Variants in GALNT7 observed in about 807,000 individuals in gnomAD.
The protein encoded by GALNT7 is N-acetylgalactosaminyltransferase 7.
A neutral mutation model predicts 82.1 loss-of-function variants in GALNT7; 60 were observed. The observed-to-expected ratio is 0.73, with a 90% confidence interval of 0.59 to 0.91. GALNT7 has a LOEUF of 0.91. Ranked by LOEUF, GALNT7 falls within the 40% of genes least tolerant of loss-of-function variation. The pLI is 0.00. For synonymous variants in GALNT7, 243 were observed against 275.1 expected, an observed-to-expected ratio of 0.88 and a Z score of 1.15; for missense variants, 660 against 804.2, an observed-to-expected ratio of 0.82 and a Z score of 2.17.
intron 1 of GALNT7, among the ~76,000 whole-genome samples, chr4:173,183,840 G>GA (rs1387696289): frequency 6.6e-6 from 1 of 150,686 alleles, no homozygotes; most frequent in African/African-American, 2.5e-5. Flanking sequence ...CCACCTCCCA[G>GA]ACGGGGCGGC....
intron 1 of GALNT7, among the ~76,000 whole-genome samples, chr4:173,172,695 G>A (rs1731915961): frequency 6.6e-6 from 1 of 152,182 alleles, no homozygotes. Context: ...AGTTAATCTG[G>A]AAGTGGGTGG....
At chr4:173,236,728 C>T (rs932445997) in intron 1 of GALNT7, among the ~76,000 whole-genome samples, 8 of 152,212 alleles carry the variant, frequency 5.3e-5, no homozygotes, top group East Asian at 3.9e-4. Context: ...ATTTTCAAAA[C>T]GCAGATCAGG....
chr4:173,216,706 C>CATATATATATATATATATATATATAT (rs202210734), intron 1 of GALNT7, among the ~76,000 whole-genome samples: 2 of 56,968 alleles, frequency 3.5e-5, no homozygotes, highest in African/African-American at 1.9e-4. Context: ...GTGTACTATT[C>CATATATATATATATATATATATATAT]ATATATATAT....
intron 2 of GALNT7, among the ~76,000 whole-genome samples, chr4:173,250,617 C>G (rs1734812948): frequency 6.6e-6 from 1 of 152,154 alleles, no homozygotes; most frequent in African/African-American, 2.4e-5. Context: ...CTTTCCATTT[C>G]TACTCTTGCC....
chr4:173,264,642 C>A (rs1252743096), intron 2 of GALNT7, among the ~76,000 whole-genome samples: 6 of 152,196 alleles, frequency 3.9e-5, no homozygotes, highest in Non-Finnish European at 1.5e-5. Context: ...AATCCGTGGG[C>A]TCCTCCAACA....
chr4:173,174,584 A>G (rs776554636), intron 1 of GALNT7, among the ~76,000 whole-genome samples: 12 of 152,222 alleles, frequency 7.9e-5, no homozygotes, highest in Non-Finnish European at 1.6e-4. Flanking sequence ...GAGGTCAGGC[A>G]TCAGCCCTGT....
At chr4:173,251,551 A>C (rs185886574) in intron 2 of GALNT7, among the ~76,000 whole-genome samples, 26 of 152,192 alleles carry the variant, frequency 1.7e-4, no homozygotes, top group Admixed American at 1.7e-3. Context: ...AGTACCTTCC[A>C]TGATGCTAAA....
intron 1 of GALNT7, among the ~76,000 whole-genome samples, chr4:173,173,156 T>C (rs1165289590): frequency 2.0e-5 from 3 of 152,110 alleles, no homozygotes; most frequent in Non-Finnish European, 4.4e-5. Flanking sequence ...TCAGGAGGCC[T>C]AGGATGATAG....
intron 1 of GALNT7, among the ~76,000 whole-genome samples, chr4:173,192,593 T>C (rs1007018029): frequency 1.3e-5 from 2 of 152,154 alleles, no homozygotes; most frequent in Admixed American, 1.3e-4. Context: ...ATATGTACAC[T>C]CGAGTTCTTG....
At position 173,261,687 on chromosome 4, in the gene GALNT7, C is replaced by G. The variant is rs879790911; in HGVS notation, c.587+13247C>G. Among the ~76,000 whole-genome samples, 3 of 152,186 alleles carry G rather than the reference C, an allele frequency of 2.0e-5. No individual in the cohort carries two copies. The East Asian group carries it at 5.8e-4, about 29-fold the overall frequency. On this transcript the variant is annotated intron_variant, in intron 2 of 11. Transcript: ENST00000265000. ...AAAAAAAATTAGCCAGGTGTGGTGG[C>G]ACGCACCTGTAATCCCAGCTTCTCA... is the stretch of plus-strand genomic sequence containing the variant.
At chr4:173,238,526 C>G (rs1417562322) in intron 1 of GALNT7, among the ~76,000 whole-genome samples, 4 of 152,106 alleles carry the variant, frequency 2.6e-5, no homozygotes, top group Non-Finnish European at 5.9e-5. Context: ...ATAGGCCTGT[C>G]TTGTCATACG....
Position 173,188,277 on chromosome 4 carries a change from T to C in GALNT7, c.126+19316T>C, listed in dbSNP as rs371457444. ...TGGTCTTCTAGGTAACAACTAGAGT[T>C]CAAACCTAGGCTGACTGCAGAGCCT... On this transcript the variant is annotated intron_variant, in intron 1 of 11. Coordinates refer to ENST00000265000, the MANE Select transcript of GALNT7 (RefSeq NM_017423.3). Among the ~76,000 whole-genome samples, 7 of 152,210 alleles carry C rather than the reference T, an allele frequency of 4.6e-5. No homozygotes were observed. The East Asian group carries it at 1.2e-3, about 25-fold the overall frequency.
chr4:173,261,661 A>T (rs1364292299), intron 2 of GALNT7, among the ~76,000 whole-genome samples: 4 of 151,258 alleles, frequency 2.6e-5, no homozygotes, highest in Non-Finnish European at 4.4e-5. Flanking sequence ...TACTAAAAAT[A>T]AAAAAAAATT....
chr4:173,189,665 T>G (rs1164109560), intron 1 of GALNT7, among the ~76,000 whole-genome samples: 1 of 152,242 alleles, frequency 6.6e-6, no homozygotes, highest in African/African-American at 2.4e-5. Flanking sequence ...ACACCACCTT[T>G]TCTTTTGGCA....
intron 1 of GALNT7, among the ~76,000 whole-genome samples, chr4:173,200,555 G>A (rs1732913701): frequency 6.6e-6 from 1 of 152,106 alleles, no homozygotes; most frequent in Non-Finnish European, 1.5e-5. Context: ...GTTATTTTAG[G>A]ATTCCATGTG....
chr4:173,196,372 G>A (rs1300105597), intron 1 of GALNT7, among the ~76,000 whole-genome samples: 1 of 152,000 alleles, frequency 6.6e-6, no homozygotes, highest in Non-Finnish European at 1.5e-5. Flanking sequence ...TGATCTACCC[G>A]CCTCAGCATC....
chr4:173,181,605 C>G (rs1169826870), intron 1 of GALNT7, among the ~76,000 whole-genome samples: 1 of 152,152 alleles, frequency 6.6e-6, no homozygotes, highest in Non-Finnish European at 1.5e-5. Context: ...TGTAACACTT[C>G]TATTTTAAAA....
intron 1 of GALNT7, among the ~76,000 whole-genome samples, chr4:173,180,138 T>A (rs905975021): frequency 1.3e-5 from 2 of 152,132 alleles, no homozygotes; most frequent in African/African-American, 4.8e-5. Context: ...CAAATCTGTT[T>A]AGATTTATAG....
intron 1 of GALNT7, among the ~76,000 whole-genome samples, chr4:173,246,393 T>C (rs1206790624): frequency 2.0e-5 from 3 of 152,234 alleles, no homozygotes; most frequent in African/African-American, 7.2e-5. Context: ...AAAAAAATTA[T>C]CTTGTTATAT....
Sources: allele counts gnomAD v4.1 joint callset (sites outside exome capture counted in the v4.1 genomes callset), GRCh38; gene constraint gnomAD v4.1.1; transcripts MANE v1.5; gene names NCBI Gene and HGNC (gene_info 2026-07-23, HGNC 2026-07-21).